TCF4: variants seen among roughly 807,000 people sequenced by gnomAD.
TCF4 encodes transcription factor 4.
In TCF4, 3 loss-of-function variants were observed where a neutral mutation model predicts 82.1. That is an observed-to-expected ratio of 0.04 (90% CI 0.02 to 0.09). The LOEUF (loss-of-function observed/expected upper bound fraction) is 0.09. TCF4 is among the 10% of genes least tolerant of loss of function. The pLI is 1.00. For synonymous variants in TCF4, 276 were observed against 309.6 expected, an observed-to-expected ratio of 0.89 and a Z score of 1.14; for missense variants, 518 against 852.7, an observed-to-expected ratio of 0.61 and a Z score of 4.89.
intron 3 of TCF4, among the ~76,000 whole-genome samples, chr18:55,498,289 C>T (rs530785524): frequency 6.6e-6 from 1 of 152,326 alleles, no homozygotes; most frequent in East Asian, 1.9e-4. Flanking sequence ...CGATGGCCCT[C>T]GCCTTACACA....
At chr18:55,527,848 C>T (rs888185136) in intron 3 of TCF4, among the ~76,000 whole-genome samples, 13 of 152,064 alleles carry the variant, frequency 8.5e-5, no homozygotes, top group Admixed American at 2.0e-4. Flanking sequence ...TGGTCAAAAA[C>T]GTATTTTCTG....
intron 8 of TCF4, among the ~76,000 whole-genome samples, chr18:55,311,645 G>A (rs1209699564): frequency 2.0e-5 from 3 of 152,186 alleles, no homozygotes; most frequent in Admixed American, 6.5e-5. Context: ...GTATGTGATA[G>A]TCTGACTTTG....
At chr18:55,320,191 A>C (rs1033917630) in intron 8 of TCF4, among the ~76,000 whole-genome samples, 1 of 138,380 alleles carries the variant, frequency 7.2e-6, no homozygotes, top group African/African-American at 2.8e-5. Context: ...TGTACTTGTT[A>C]AAAAAAAAAA....
At chr18:55,292,280 C>A (rs2065269310) in intron 8 of TCF4, among the ~76,000 whole-genome samples, 1 of 152,184 alleles carries the variant, frequency 6.6e-6, no homozygotes, top group South Asian at 2.1e-4. Flanking sequence ...GTAAGAATGA[C>A]CCTTTCATAT....
chr18:55,593,877 T>C (rs1394436322), intron 2 of TCF4, among the ~76,000 whole-genome samples: 4 of 152,256 alleles, frequency 2.6e-5, no homozygotes, highest in African/African-American at 4.8e-5. Flanking sequence ...GCAGTCTTGA[T>C]TGAATGGCTA....
intron 5 of TCF4, among the ~76,000 whole-genome samples, chr18:55,412,209 A>G (rs566830677): frequency 6.6e-6 from 1 of 152,214 alleles, no homozygotes; most frequent in Non-Finnish European, 1.5e-5. Context: ...GCACTCACCT[A>G]TTTACGCAGA....
At chr18:55,276,734 T>C (rs2061561555) in intron 9 of TCF4, among the ~76,000 whole-genome samples, 1 of 152,234 alleles carries the variant, frequency 6.6e-6, no homozygotes, top group Non-Finnish European at 1.5e-5. Flanking sequence ...AGCTGGCTGT[T>C]AAATGTATAG....
chr18:55,467,453 C>T (rs1311369797), intron 3 of TCF4, among the ~76,000 whole-genome samples: 1 of 152,076 alleles, frequency 6.6e-6, no homozygotes, highest in Non-Finnish European at 1.5e-5. Flanking sequence ...GGGGGTGGGG[C>T]TGAGAAAACT....
At chr18:55,579,359 A>G (rs981830700) in intron 3 of TCF4, among the ~76,000 whole-genome samples, 8 of 151,982 alleles carry the variant, frequency 5.3e-5, no homozygotes, top group East Asian at 3.9e-4. Context: ...ACCTTTTAAA[A>G]AATCTGTAAT....
intron 6 of TCF4, chr18:55,383,950 AAACCCCACGAACAATCACT>A (rs2145931476): frequency 6.6e-6 from 1 of 152,322 alleles, no homozygotes; most frequent in Non-Finnish European, 1.5e-5. Flanking sequence ...AGATGAACTG[AAACCCCACGAACAATCACT>A]ACCAAGAAAT....
At chr18:55,322,241 C>T in intron 8 of TCF4, 1 of 1,043,938 alleles carries the variant, frequency 9.6e-7, no homozygotes, top group African/African-American at 1.7e-5. Context: ...TTGACTCCCC[C>T]TCTCTCTCTC....
rs1049713591 is a variant in TCF4, at chr18:55,389,889, T to C, written c.369+13565A>G. ...ATTTATTGGTATCTTGCAAGCAGAA[T>C]TGATGAGATCTGGAAACTGAGGACT... On this transcript the variant is annotated intron_variant, in intron 6 of 19. Transcript: ENST00000354452. Among the ~76,000 whole-genome samples the C allele has an allele frequency of 5.3e-5, 8 of 151,772 alleles. No individual in the cohort carries two copies. In the South Asian group the frequency reaches 1.3e-3, roughly 24 times the overall value.
At chr18:55,605,411 CAT>C (rs1339942307) in intron 2 of TCF4, among the ~76,000 whole-genome samples, 4 of 152,118 alleles carry the variant, frequency 2.6e-5, no homozygotes, top group Admixed American at 6.6e-5. Flanking sequence ...CAAATGGTGA[CAT>C]TGTGTGGTGG....
intron 3 of TCF4, among the ~76,000 whole-genome samples, chr18:55,579,494 C>T (rs1428989360): frequency 6.6e-6 from 1 of 151,748 alleles, no homozygotes; most frequent in African/African-American, 2.4e-5. Context: ...TTTTTCTGTT[C>T]CTACTTAGCT....
At chr18:55,577,959 C>G (rs944291451) in intron 3 of TCF4, among the ~76,000 whole-genome samples, 4 of 152,044 alleles carry the variant, frequency 2.6e-5, no homozygotes, top group African/African-American at 4.8e-5. Context: ...AAAAAGGCAC[C>G]AGCAGGTGCT....
intron 6 of TCF4, among the ~76,000 whole-genome samples, chr18:55,367,812 G>T (rs1603384074): frequency 6.6e-6 from 1 of 152,196 alleles, no homozygotes; most frequent in East Asian, 1.9e-4. Flanking sequence ...GTGCAAAAAT[G>T]AATGATTAAT....
intron 5 of TCF4, among the ~76,000 whole-genome samples, chr18:55,407,088 C>T (rs1330777324): frequency 1.3e-5 from 2 of 149,292 alleles, no homozygotes; most frequent in Admixed American, 6.7e-5. Context: ...GTGCGGGGGG[C>T]GGGGGGAGAT....
At chr18:55,510,630 T>G in intron 3 of TCF4, 1 of 1,515,548 alleles carries the variant, frequency 6.6e-7, no homozygotes, top group African/African-American at 1.4e-5. Context: ...CCCCAATATA[T>G]CTGGTGATTA....
intron 5 of TCF4, among the ~76,000 whole-genome samples, chr18:55,418,347 T>A (rs1445699367): frequency 6.6e-6 from 1 of 152,140 alleles, no homozygotes; most frequent in Non-Finnish European, 1.5e-5. Flanking sequence ...AACACATTTT[T>A]TTCTGGTGGT....
Sources: allele counts gnomAD v4.1 joint callset (sites outside exome capture counted in the v4.1 genomes callset), GRCh38; gene constraint gnomAD v4.1.1; transcripts MANE v1.5; gene names NCBI Gene and HGNC (gene_info 2026-07-23, HGNC 2026-07-21).